EVL: variants seen among roughly 807,000 people sequenced by gnomAD.
EVL encodes Enah/Vasp-like, also known as ena/VASP-like protein.
A neutral mutation model predicts 59.6 loss-of-function variants in EVL; 21 were observed. The observed-to-expected ratio is 0.35, with a 90% CI of 0.25 to 0.51. The LOEUF (loss-of-function observed/expected upper bound fraction) is 0.51. Among genes scored for constraint, EVL ranks in the 20% least tolerant of loss-of-function variants. The pLI is 0.97. For missense variants in EVL, 462 were observed against 546.6 expected, an observed-to-expected ratio of 0.85 and a Z score of 1.54; for synonymous variants, 198 against 203.5, an observed-to-expected ratio of 0.97 and a Z score of 0.23.
At chr14:99,999,678 G>A (rs2060933929) in intron 1 of EVL, among the ~76,000 whole-genome samples, 1 of 152,168 alleles carries the variant, frequency 6.6e-6, no homozygotes, top group Non-Finnish European at 1.5e-5. Context: ...TTATTTATGG[G>A]TGGTGGTAGG....
intron 1 of EVL, among the ~76,000 whole-genome samples, chr14:100,072,264 G>A (rs1287327619): frequency 6.6e-6 from 1 of 152,138 alleles, no homozygotes; most frequent in Admixed American, 6.5e-5. Context: ...TCCCTCTGTC[G>A]CTCAGGCTGG....
chr14:99,981,300 C>T (rs926855363), intron 1 of EVL, among the ~76,000 whole-genome samples: 1 of 151,946 alleles, frequency 6.6e-6, no homozygotes, highest in Non-Finnish European at 1.5e-5. Flanking sequence ...GGCGTGGTGG[C>T]GGGCGCCTGT....
intron 1 of EVL, among the ~76,000 whole-genome samples, chr14:100,008,942 A>C (rs896525933): frequency 6.6e-6 from 1 of 152,240 alleles, no homozygotes; most frequent in Non-Finnish European, 1.5e-5. Context: ...TGCTTTTTAC[A>C]TCTTAGTAGG....
At chr14:100,143,442 G>A (rs535287270) in intron 13 of EVL, among the ~76,000 whole-genome samples, 1 of 152,128 alleles carries the variant, frequency 6.6e-6, no homozygotes, top group East Asian at 1.9e-4. Context: ...CCACAGGCAG[G>A]GCACAGGCCT....
chr14:100,107,567 G>A (rs573965473), intron 3 of EVL: 52 of 338,172 alleles, frequency 1.5e-4, no homozygotes, highest in African/African-American at 6.9e-4. Flanking sequence ...CTTTTTCCAG[G>A]CCAAGGACCA....
chr14:100,128,566 G>A lies in EVL; in HGVS notation c.535G>A (p.Val179Ile), dbSNP rs754119420. The A allele has an allele frequency of 5.0e-5, 80 of 1,609,346 alleles. No homozygotes were observed. The highest frequency in any genetic ancestry group is 4.5e-4 in the Middle Eastern group (2 of 4,446). The change falls in exon 6 of 14, where the codon GTC becomes ATC. Residue 179 changes from valine (V) to isoleucine (I), a missense_variant. Coordinates refer to ENST00000392920, the MANE Select transcript of EVL (RefSeq NM_016337.3). ...TCCTTCATCTGCAGCCAGCGCCCCC[G>A]TCTCATGTAGTGGGCCTCCACCGCC... ...GHPSSAASAP[V>I]SCSGPPPPPP... is the part of the protein sequence containing the mutation.
At chr14:100,019,735 C>T (rs1427778940) in intron 1 of EVL, 7 of 1,518,720 alleles carry the variant, frequency 4.6e-6, no homozygotes, top group South Asian at 2.4e-5. Context: ...TTTTTGTTCT[C>T]GCTAGGTTTT....
intron 1 of EVL, among the ~76,000 whole-genome samples, chr14:100,058,604 C>T (rs946825604): frequency 2.0e-5 from 3 of 152,058 alleles, no homozygotes; most frequent in Admixed American, 2.0e-4. Context: ...CTGACATGAA[C>T]GATTTAGGAA....
chr14:100,080,051 G>A (rs2062260654), intron 1 of EVL, among the ~76,000 whole-genome samples: 1 of 151,538 alleles, frequency 6.6e-6, no homozygotes, highest in Admixed American at 6.6e-5. Flanking sequence ...GAAAATTTGG[G>A]ATGTGTTTTG....
chr14:100,107,460 A>C (rs1886642992), intron 3 of EVL: 1 of 396,664 alleles, frequency 2.5e-6, no homozygotes, highest in Non-Finnish European at 4.4e-6. Flanking sequence ...ACCAAGACCC[A>C]GTGAGGGGGA....
At chr14:100,039,618 A>C (rs1196136352) in intron 1 of EVL, among the ~76,000 whole-genome samples, 1 of 152,242 alleles carries the variant, frequency 6.6e-6, no homozygotes, top group Non-Finnish European at 1.5e-5. Flanking sequence ...GAGTTACTGA[A>C]GTGTTGAATA....
chr14:100,080,586 C>T (rs1237850258), intron 1 of EVL, among the ~76,000 whole-genome samples: 1 of 152,146 alleles, frequency 6.6e-6, no homozygotes, highest in Non-Finnish European at 1.5e-5. Flanking sequence ...GCATGACACA[C>T]GGAGGGAAAT....
chr14:100,057,230 CCCCTTTACTTCT>C (rs2061747684), intron 1 of EVL, among the ~76,000 whole-genome samples: 1 of 152,124 alleles, frequency 6.6e-6, no homozygotes, highest in Non-Finnish European at 1.5e-5. Context: ...TTTTACCTTT[CCCCTTTACTTCT>C]CCCTTTATAT....
intron 4 of EVL, among the ~76,000 whole-genome samples, chr14:100,124,717 G>T (rs1252007413): frequency 6.6e-6 from 1 of 152,218 alleles, no homozygotes; most frequent in Non-Finnish European, 1.5e-5. Context: ...GACGCCAGGT[G>T]TAAGCGTACA....
At chr14:100,033,802 A>G (rs1371427773) in intron 1 of EVL, among the ~76,000 whole-genome samples, 1 of 152,248 alleles carries the variant, frequency 6.6e-6, no homozygotes, top group Non-Finnish European at 1.5e-5. Flanking sequence ...CTTATCCAGC[A>G]TCACACAGAG....
intron 2 of EVL, chr14:100,085,095 C>A: frequency 2.4e-6 from 1 of 408,592 alleles, no homozygotes; most frequent in East Asian, 3.8e-5. Flanking sequence ...CCGCACCCTG[C>A]CTATTTCACT....
At chr14:100,036,329 G>C (rs2061388126) in intron 1 of EVL, among the ~76,000 whole-genome samples, 1 of 152,148 alleles carries the variant, frequency 6.6e-6, no homozygotes, top group Admixed American at 6.5e-5. Flanking sequence ...TATGGGACTT[G>C]AGCTAGAACT....
At chr14:100,064,960 C>T (rs1366851762), upstream of EVL, among the ~76,000 whole-genome samples, 1 of 152,144 alleles carries the variant, frequency 6.6e-6, no homozygotes, top group African/African-American at 2.4e-5. Flanking sequence ...ATCATCTAGT[C>T]TTCTATTCTC....
intron 1 of EVL, among the ~76,000 whole-genome samples, chr14:100,034,596 G>A (rs1022995332): frequency 6.6e-6 from 1 of 151,830 alleles, no homozygotes; most frequent in African/African-American, 2.4e-5. Context: ...AATTAACCGG[G>A]CATGGTGGTA....
Sources: allele counts gnomAD v4.1 joint callset (sites outside exome capture counted in the v4.1 genomes callset), GRCh38; gene constraint gnomAD v4.1.1; transcripts MANE v1.5; gene names NCBI Gene and HGNC (gene_info 2026-07-23, HGNC 2026-07-21).